The following EPHA5 variants were observed in gnomAD, a reference collection of about 807,000 sequenced individuals.
EPHA5 encodes EPH receptor A5.
Under a neutral mutation model 105.0 loss-of-function variants are expected in EPHA5, and 60 were observed. That is an observed-to-expected ratio of 0.57 (90% CI 0.46 to 0.71). The LOEUF (loss-of-function observed/expected upper bound fraction) is 0.71, where lower values mean the gene tolerates loss of function less well. Among genes scored for constraint, EPHA5 ranks in the 30% least tolerant of loss-of-function variants. EPHA5 has a pLI of 0.00. For missense variants in EPHA5, 1,218 were observed against 1,274.7 expected, an observed-to-expected ratio of 0.96 and a Z score of 0.68; for synonymous variants, 513 against 449.1, an observed-to-expected ratio of 1.14 and a Z score of -1.80.
In EPHA5 at chr4:65,495,545, T is replaced by C; in HGVS notation, c.911-2A>G. ...CTTTGAAGAACCCAGGTCTGCACAC[T>C]GTCAAAAGAAATAAGAGACTAAGCT... is the stretch of plus-strand genomic sequence containing the variant. On this transcript the variant is annotated splice_acceptor_variant, in intron 3 of 16. Transcript: ENST00000613740. LOFTEE classifies it high-confidence loss of function. 6.2e-7 allele frequency: 1 copy of C among 1,605,386 alleles called. No individual in the cohort carries two copies. Among genetic ancestry groups the C allele is most frequent in the Non-Finnish European group, 8.5e-7 (1 of 1,176,920 alleles).
intron 3 of EPHA5, among the ~76,000 whole-genome samples, chr4:65,575,559 A>G (rs76894385): frequency 1.3e-5 from 2 of 152,282 alleles, no homozygotes; most frequent in African/African-American, 4.8e-5. Context: ...CCTTTATCCT[A>G]TGAAGCAATT....
At chr4:65,359,708 T>C (rs563813309) in intron 11 of EPHA5, among the ~76,000 whole-genome samples, 1 of 151,724 alleles carries the variant, frequency 6.6e-6, no homozygotes, top group South Asian at 2.1e-4. Flanking sequence ...GCTAGGTCAT[T>C]ATACTGACCT....
At chr4:65,392,373 A>G (rs1050277494) in intron 8 of EPHA5, among the ~76,000 whole-genome samples, 1 of 152,148 alleles carries the variant, frequency 6.6e-6, no homozygotes, top group African/African-American at 2.4e-5. Context: ...CAGGGATTGT[A>G]TATATGATTA....
intron 16 of EPHA5, among the ~76,000 whole-genome samples, chr4:65,329,811 T>C (rs1395101613): frequency 3.3e-5 from 1 of 30,516 alleles, no homozygotes; most frequent in African/African-American, 1.0e-4. Context: ...ATGACTGACT[T>C]TTTTTTTTTT....
intron 2 of EPHA5, among the ~76,000 whole-genome samples, chr4:65,610,100 C>G (rs966619469): frequency 3.3e-5 from 5 of 151,868 alleles, no homozygotes; most frequent in Non-Finnish European, 7.4e-5. Flanking sequence ...TGCCCATCAA[C>G]AGCGAACAGG....
intron 2 of EPHA5, among the ~76,000 whole-genome samples, chr4:65,634,734 AC>A (rs1746962923): frequency 6.6e-6 from 1 of 151,938 alleles, no homozygotes; most frequent in African/African-American, 2.4e-5. Context: ...TTCTATATCC[AC>A]TAATGTGCTC....
chr4:65,563,059 T>C (rs1739179535), intron 3 of EPHA5, among the ~76,000 whole-genome samples: 1 of 152,024 alleles, frequency 6.6e-6, no homozygotes, highest in South Asian at 2.1e-4. Flanking sequence ...CTTGTGATCA[T>C]GATAAAATAT....
intron 2 of EPHA5, among the ~76,000 whole-genome samples, chr4:65,606,608 A>C (rs1175534743): frequency 6.6e-6 from 1 of 152,090 alleles, no homozygotes; most frequent in Non-Finnish European, 1.5e-5. Flanking sequence ...TTGCCTATTA[A>C]CCTGTTGAAT....
chr4:65,518,603 G>C (rs34303262), intron 3 of EPHA5, among the ~76,000 whole-genome samples: 41,300 of 151,902 alleles, frequency 0.27, 6,462 homozygotes, highest in Middle Eastern at 0.43. Context: ...AACTAGCCTA[G>C]TTTGACATGC....
At chr4:65,326,001 G>GATATATATATCTCATAT (rs202022624) in intron 16 of EPHA5, among the ~76,000 whole-genome samples, 1 of 146,456 alleles carries the variant, frequency 6.8e-6, no homozygotes, top group Non-Finnish European at 1.5e-5. Context: ...GAATCATTGA[G>GATATATATATCTCATAT]ATATATATAT....
chr4:65,336,148 A>T (rs2148814316), intron 14 of EPHA5, 23 bp from the exon 15 acceptor site: 1 of 1,569,444 alleles, frequency 6.4e-7, no homozygotes, highest in Non-Finnish European at 8.6e-7. Flanking sequence ...AAACAGAACC[A>T]GCACCCCAAC....
intron 3 of EPHA5, among the ~76,000 whole-genome samples, chr4:65,550,564 G>A (rs369364642): frequency 6.6e-5 from 10 of 152,202 alleles, no homozygotes; most frequent in African/African-American, 2.2e-4. Context: ...AGCCGGGTGC[G>A]GTGGCTCACG....
chr4:65,359,987 C>T (rs1029708165), intron 11 of EPHA5, among the ~76,000 whole-genome samples: 8 of 151,576 alleles, frequency 5.3e-5, no homozygotes, highest in East Asian at 1.9e-4. Context: ...TCCACTGCAG[C>T]GCCAATGGCC....
intron 2 of EPHA5, among the ~76,000 whole-genome samples, chr4:65,634,095 G>T (rs1411811877): frequency 6.6e-6 from 1 of 152,006 alleles, no homozygotes; most frequent in Non-Finnish European, 1.5e-5. Context: ...AATCTAAAGG[G>T]TAGGACATTT....
intron 7 of EPHA5, among the ~76,000 whole-genome samples, chr4:65,405,124 T>A (rs1029671899): frequency 6.6e-6 from 1 of 152,206 alleles, no homozygotes; most frequent in Non-Finnish European, 1.5e-5. Context: ...TACATTTACA[T>A]CACCTACTCT....
At chr4:65,488,928 C>G (rs1731143996) in intron 5 of EPHA5, among the ~76,000 whole-genome samples, 1 of 125,972 alleles carries the variant, frequency 7.9e-6, no homozygotes, top group Non-Finnish European at 1.6e-5. Context: ...CTCTGTTGCC[C>G]AGGCTGGAGC....
rs1486203867 is a variant in EPHA5 at position 65,365,333 on chromosome 4, A to AC, written c.1988-132_1988-131insG. 5 of 764,798 alleles carry AC rather than the reference A, an allele frequency of 6.5e-6. No homozygotes were observed. The African/African-American group carries it at 8.9e-5, about 14-fold the overall frequency. The allele number at this position is 764,798 out of a possible 1,614,324, so 47.4% of individuals were successfully genotyped here. A position where few individuals can be genotyped will look rare whatever the true frequency, so the allele number is the denominator to read the frequency against. On this transcript the variant is annotated intron_variant, in intron 10 of 16. Transcript: ENST00000613740. The stretch of plus-strand genomic sequence containing the variant: ...AACAAACAAACAAACAAACAAACAA[A>AC]AAGCAGTCAGAAAAGGGTAGTCTAC...
In EPHA5 at chr4:65,365,996, A is replaced by G. The variant is rs769017163; in HGVS notation, c.1923T>C (p.Ala641=). ...CTATCTCCTTAGCAAATTCGTGGAC[A>G]GCTTGATTGGGATCCTCATAGGTAT... ...DPHTYEDPNQ[A]VHEFAKEIEA... Residue 641 remains alanine (A), a synonymous_variant, in exon 10 of 17, where the codon GCT becomes GCC. Coordinates refer to ENST00000613740, the MANE Select transcript of EPHA5 (RefSeq NM_001281766.3). 4 of 1,609,586 alleles carry G rather than the reference A, an allele frequency of 2.5e-6. No individual in the cohort carries two copies. Among genetic ancestry groups the G allele is most frequent in the East Asian group, 4.5e-5 (2 of 44,720 alleles).
chr4:65,440,604 A>ATG (rs1286846836), intron 5 of EPHA5, among the ~76,000 whole-genome samples: 1 of 152,046 alleles, frequency 6.6e-6, no homozygotes, highest in Non-Finnish European at 1.5e-5. Context: ...AGTAAAAAAT[A>ATG]CACTTCAATT....
Sources: allele counts gnomAD v4.1 joint callset (sites outside exome capture counted in the v4.1 genomes callset), GRCh38; gene constraint gnomAD v4.1.1; transcripts MANE v1.5; gene names NCBI Gene and HGNC (gene_info 2026-07-23, HGNC 2026-07-21).